Variants in TAFA1 observed in about 807,000 individuals in gnomAD.
TAFA1 encodes the protein TAFA chemokine like family member 1, also known as chemokine-like protein TAFA-1.
Under a neutral mutation model 18.5 loss-of-function variants are expected in TAFA1, and 4 were observed. The observed-to-expected ratio is 0.22, with a 90% CI of 0.11 to 0.49. The LOEUF (loss-of-function observed/expected upper bound fraction) is 0.49, where lower values mean the gene tolerates loss of function less well. TAFA1 is among the 20% of genes least tolerant of loss of function. The pLI, the probability that TAFA1 is intolerant of heterozygous loss-of-function variation, is 0.98. For missense variants in TAFA1, 147 were observed against 169.0 expected (o/e 0.87, Z 0.72); for synonymous variants, 56 against 55.2 (o/e 1.01, Z -0.06).
intron 2 of TAFA1, among the ~76,000 whole-genome samples, chr3:68,119,011 T>G (rs1332936643): frequency 2.0e-5 from 3 of 152,082 alleles, no homozygotes; most frequent in African/African-American, 7.2e-5. Flanking sequence ...AATGACACAA[T>G]TTTTCCACAT....
At chr3:68,093,669 T>G (rs910900505) in intron 2 of TAFA1, among the ~76,000 whole-genome samples, 1 of 152,084 alleles carries the variant, frequency 6.6e-6, no homozygotes, top group Non-Finnish European at 1.5e-5. Context: ...ATATTGCTAG[T>G]TGCATTCCCC....
intron 2 of TAFA1, among the ~76,000 whole-genome samples, chr3:68,245,642 CTTTAGCAAATAGAAAATGTCA>C (rs2067063209): frequency 6.6e-6 from 1 of 152,100 alleles, no homozygotes; most frequent in South Asian, 2.1e-4. Flanking sequence ...CTTTGGTCAC[CTTTAGCAAATAGAAAATGTCA>C]TGGATAGAGC....
chr3:68,459,598 G>A (rs926055513), intron 3 of TAFA1, among the ~76,000 whole-genome samples: 1 of 152,174 alleles, frequency 6.6e-6, no homozygotes, highest in Non-Finnish European at 1.5e-5. Context: ...CAAAATAAAT[G>A]AAACTAATAC....
At chr3:68,516,120 C>A (rs940065994) in intron 3 of TAFA1, among the ~76,000 whole-genome samples, 2 of 152,212 alleles carry the variant, frequency 1.3e-5, no homozygotes, top group African/African-American at 4.8e-5. Flanking sequence ...AAATTCATTT[C>A]TCTCACAATC....
chr3:68,181,543 T>C (rs2066200472), intron 2 of TAFA1, among the ~76,000 whole-genome samples: 1 of 152,206 alleles, frequency 6.6e-6, no homozygotes, highest in African/African-American at 2.4e-5. Context: ...GAGAGACTGT[T>C]ATACTGATAA....
chr3:68,290,068 GA>G (rs1442641905), intron 2 of TAFA1, among the ~76,000 whole-genome samples: 2 of 152,126 alleles, frequency 1.3e-5, no homozygotes, highest in Non-Finnish European at 2.9e-5. Flanking sequence ...TAGTATCATG[GA>G]AAAATAAAGA....
At chr3:68,452,102 C>T (rs150093680) in intron 3 of TAFA1, among the ~76,000 whole-genome samples, 10 of 152,214 alleles carry the variant, frequency 6.6e-5, no homozygotes, top group Non-Finnish European at 1.5e-4. Flanking sequence ...TGAATGCTTC[C>T]ATGATGGTGA....
chr3:68,386,118 A>G (rs749163473), intron 2 of TAFA1, among the ~76,000 whole-genome samples: 1 of 152,128 alleles, frequency 6.6e-6, no homozygotes, highest in Non-Finnish European at 1.5e-5. Context: ...CTTGCTATGA[A>G]CAAGACATTG....
At chr3:68,030,186 C>T (rs551053993) in intron 2 of TAFA1, among the ~76,000 whole-genome samples, 32 of 151,978 alleles carry the variant, frequency 2.1e-4, no homozygotes, top group African/African-American at 7.7e-4. Flanking sequence ...ACAGTAATAT[C>T]ACAACAGTAA....
intron 2 of TAFA1, among the ~76,000 whole-genome samples, chr3:68,214,390 T>A (rs991785494): frequency 2.0e-5 from 3 of 152,104 alleles, no homozygotes; most frequent in African/African-American, 7.2e-5. Flanking sequence ...TTTAATATAG[T>A]CTTCTAAAAT....
intron 3 of TAFA1, among the ~76,000 whole-genome samples, chr3:68,503,242 G>T (rs2665541): frequency 5.9e-5 from 9 of 152,122 alleles, no homozygotes; most frequent in Non-Finnish European, 1.0e-4. Context: ...TAAAACATGC[G>T]TAGGTTTTGT....
At chr3:68,493,425 T>C (rs1178186631) in intron 3 of TAFA1, among the ~76,000 whole-genome samples, 1 of 152,246 alleles carries the variant, frequency 6.6e-6, no homozygotes, top group Non-Finnish European at 1.5e-5. Flanking sequence ...TTGTGGCTAC[T>C]GTAAATAATG....
intron 2 of TAFA1, among the ~76,000 whole-genome samples, chr3:68,160,722 T>A (rs1389621701): frequency 1.3e-5 from 2 of 152,220 alleles, no homozygotes; most frequent in African/African-American, 4.8e-5. Context: ...CGTCACATAG[T>A]TATTAAAAAG....
chr3:68,179,342 C>A (rs2066167157), intron 2 of TAFA1, among the ~76,000 whole-genome samples: 1 of 152,140 alleles, frequency 6.6e-6, no homozygotes, highest in Non-Finnish European at 1.5e-5. Context: ...ACTAAATGAC[C>A]TTCAGAACTT....
At chr3:68,136,557 G>A (rs1310896091) in intron 2 of TAFA1, among the ~76,000 whole-genome samples, 2 of 152,100 alleles carry the variant, frequency 1.3e-5, no homozygotes, top group African/African-American at 4.8e-5. Context: ...TACCTGGAAC[G>A]GCTTCTCCAT....
chr3:68,428,022 G>A (rs1047501119), intron 3 of TAFA1, among the ~76,000 whole-genome samples: 3 of 151,894 alleles, frequency 2.0e-5, no homozygotes, highest in African/African-American at 7.3e-5. Flanking sequence ...CCAGTCTTGG[G>A]TATTTCTTTA....
chr3:68,304,939 C>A (rs1355003628), intron 2 of TAFA1, among the ~76,000 whole-genome samples: 1 of 152,072 alleles, frequency 6.6e-6, no homozygotes, highest in African/African-American at 2.4e-5. Context: ...AGGATAGCTC[C>A]ATTTTACCTC....
Position 68,443,248 on chromosome 3 carries a change from A to G in TAFA1, c.259+25828A>G, listed in dbSNP as rs181026627. Among the ~76,000 whole-genome samples the G allele has an allele frequency of 2.0e-5, 3 of 152,162 alleles. No individual in the cohort carries two copies. In the East Asian group the frequency reaches 5.8e-4, roughly 30 times the overall value. ...TAACATCCTTCCTCTAAGAAGCACAAGCACAGAACCCTGGAAGGCAGCTAC... is the reference window on the plus strand; with the variant it reads ...TAACATCCTTCCTCTAAGAAGCACAGGCACAGAACCCTGGAAGGCAGCTAC... On this transcript the variant is annotated intron_variant, in intron 3 of 4. Transcript: ENST00000478136.
intron 2 of TAFA1, among the ~76,000 whole-genome samples, chr3:68,185,622 G>A (rs996778166): frequency 6.6e-6 from 1 of 151,916 alleles, no homozygotes; most frequent in Non-Finnish European, 1.5e-5. Flanking sequence ...CCTTTAAAAT[G>A]AACTATTACA....
Sources: gnomAD v4.1 joint callset for allele counts (sites outside exome capture counted in the v4.1 genomes callset) on GRCh38, gnomAD v4.1.1 for gene constraint, MANE v1.5 for transcripts, NCBI Gene and HGNC (gene_info 2026-07-23, HGNC 2026-07-21) for gene names.